The following RSRC1 variants were observed in gnomAD, a reference collection of about 807,000 sequenced individuals.
RSRC1 encodes serine/Arginine-related protein 53.
In RSRC1, 39 loss-of-function variants were observed where a neutral mutation model predicts 49.1. The observed-to-expected ratio is 0.79, with a 90% CI of 0.61 to 1.04. The LOEUF (loss-of-function observed/expected upper bound fraction) is 1.04. Among genes scored for constraint, RSRC1 ranks in the 50% least tolerant of loss-of-function variants. The pLI is 0.00. For missense variants in RSRC1, 388 were observed against 402.4 expected (o/e 0.96, Z 0.31); for synonymous variants, 143 against 130.8 (o/e 1.09, Z -0.63).
chr3:158,267,155 T>G (rs1423655131), intron 4 of RSRC1, among the ~76,000 whole-genome samples: 1 of 152,230 alleles, frequency 6.6e-6, no homozygotes, highest in Non-Finnish European at 1.5e-5. Context: ...CTCATCACTT[T>G]GTATTGGTTG....
At chr3:158,411,724 C>T (rs969975366) in intron 6 of RSRC1, among the ~76,000 whole-genome samples, 5 of 151,986 alleles carry the variant, frequency 3.3e-5, no homozygotes, top group Non-Finnish European at 5.9e-5. Context: ...AATGGTTTAC[C>T]AGCTTTTCAT....
chr3:158,518,154 T>A (rs1485563015), intron 7 of RSRC1, among the ~76,000 whole-genome samples: 12 of 127,774 alleles, frequency 9.4e-5, no homozygotes, highest in African/African-American at 1.7e-4. Context: ...ATATATTTTT[T>A]TTTTTTTTTT....
At chr3:158,251,787 C>T (rs961196668) in intron 4 of RSRC1, among the ~76,000 whole-genome samples, 1 of 152,128 alleles carries the variant, frequency 6.6e-6, no homozygotes, top group Non-Finnish European at 1.5e-5. Context: ...TTTTCTCATT[C>T]CAGTTTAGAT....
At chr3:158,475,506 G>A (rs1738327104) in intron 7 of RSRC1, among the ~76,000 whole-genome samples, 1 of 152,104 alleles carries the variant, frequency 6.6e-6, no homozygotes. Context: ...TTCCCCAAAA[G>A]TATATGCTCA....
intron 4 of RSRC1, among the ~76,000 whole-genome samples, chr3:158,207,052 G>A (rs1204621093): frequency 6.6e-6 from 1 of 152,120 alleles, no homozygotes; most frequent in Non-Finnish European, 1.5e-5. Flanking sequence ...TATAGATGAA[G>A]GTGCTTAGGC....
chr3:158,472,918 A>G (rs544842666), intron 7 of RSRC1, among the ~76,000 whole-genome samples: 2 of 152,142 alleles, frequency 1.3e-5, no homozygotes, highest in African/African-American at 4.8e-5. Context: ...GTCCTTGCCC[A>G]TGCATCACTG....
intron 3 of RSRC1, among the ~76,000 whole-genome samples, chr3:158,173,917 C>T (rs1719034123): frequency 6.6e-6 from 1 of 150,968 alleles, no homozygotes. Flanking sequence ...TCTATAAAGA[C>T]AAAATAGATT....
At chr3:158,461,095 TAC>T in intron 7 of RSRC1, 92 bp downstream of exon 7, 1 of 814,130 alleles carries the variant, frequency 1.2e-6, no homozygotes, top group South Asian at 2.2e-5. Context: ...CCTTAAGGGT[TAC>T]TTCATGCTGT....
At position 158,203,068 on chromosome 3, in the gene RSRC1, G is replaced by A. The variant is rs776249872; in HGVS notation, c.321-4G>A. 1 of 1,608,176 alleles carries A rather than the reference G, an allele frequency of 6.2e-7. No homozygotes were observed. Among genetic ancestry groups the A allele is most frequent in the Non-Finnish European group, 8.5e-7 (1 of 1,176,134 alleles). ...GTTTATTTAACAAAATCTGCTTACT[G>A]TAGGTCCAGGTCAAGACCTCGTCTC... On this transcript the variant is annotated splice_polypyrimidine_tract_variant and splice_region_variant and intron_variant, in intron 3 of 9. Transcript: ENST00000611884.
intron 5 of RSRC1, among the ~76,000 whole-genome samples, chr3:158,346,752 C>G (rs1381408286): frequency 6.6e-6 from 1 of 152,104 alleles, no homozygotes; most frequent in African/African-American, 2.4e-5. Context: ...TATGACTTAG[C>G]CATTTCAATT....
At position 158,280,568 on chromosome 3, in the gene RSRC1, G is replaced by T. The variant is rs79452861; in HGVS notation, c.495-17471G>T. On this transcript the variant is annotated intron_variant, in intron 4 of 9. Transcript: ENST00000611884. ...AATAATGTTTATGTGTGTGTGTGGT[G>T]GGGGGCAAATCATGATGGCTATGGT... Among the ~76,000 whole-genome samples, 650 of 151,362 alleles carry T rather than the reference G, an allele frequency of 4.3e-3. 13 individuals carry two copies. In the South Asian group the frequency reaches 0.048, roughly 11 times the overall value.
At chr3:158,168,438 C>T (rs1465308262) in intron 3 of RSRC1, among the ~76,000 whole-genome samples, 1 of 152,196 alleles carries the variant, frequency 6.6e-6, no homozygotes. Context: ...ACTGATGTCA[C>T]ATTGAAGCAT....
chr3:158,332,823 G>A (rs62289489), intron 5 of RSRC1, among the ~76,000 whole-genome samples: 2,126 of 151,610 alleles, frequency 0.014, 30 homozygotes, highest in Non-Finnish European at 0.018. Context: ...ACATAGTTTT[G>A]TAGTTTTTAA....
At chr3:158,311,885 T>C (rs971513485) in intron 5 of RSRC1, among the ~76,000 whole-genome samples, 5 of 151,938 alleles carry the variant, frequency 3.3e-5, no homozygotes, top group African/African-American at 1.2e-4. Flanking sequence ...AATAAAAATA[T>C]GAGAGTGGGG....
chr3:158,276,183 G>A lies in RSRC1; in HGVS notation c.495-21856G>A, dbSNP rs529218573. 9.6e-5 allele frequency: 82 copies of A among 851,346 alleles called. 1 individual carries two copies. In the East Asian group the frequency reaches 1.9e-3, roughly 20 times the overall value. 52.7% of individuals were successfully genotyped at this position (851,346 alleles called of 1,614,324 possible). A position where few individuals can be genotyped will look rare whatever the true frequency, so the allele number is the denominator to read the frequency against. ...ACCATGATGGACAGGCTTGCCATAT[G>A]TTGCACCCTTAGGAACTGGGCATTT... is the stretch of plus-strand genomic sequence containing the variant. On this transcript the variant is annotated intron_variant, in intron 4 of 9. Transcript: ENST00000611884.
chr3:158,242,614 G>C (rs1723658038), intron 4 of RSRC1, among the ~76,000 whole-genome samples: 2 of 152,088 alleles, frequency 1.3e-5, no homozygotes, highest in Admixed American at 1.3e-4. Flanking sequence ...AGGTCTTTCA[G>C]GAGTTGCCAC....
At chr3:158,465,529 A>G (rs1204217672) in intron 7 of RSRC1, among the ~76,000 whole-genome samples, 2 of 152,190 alleles carry the variant, frequency 1.3e-5, no homozygotes, top group Non-Finnish European at 2.9e-5. Context: ...GTACAAGGGC[A>G]TCATTTAGGA....
chr3:158,237,420 G>C (rs545595992), intron 4 of RSRC1, among the ~76,000 whole-genome samples: 1 of 152,334 alleles, frequency 6.6e-6, no homozygotes, highest in East Asian at 1.9e-4. Context: ...TTCTACAGTT[G>C]TTGTAGTTTA....
At chr3:158,515,957 T>G (rs1350168945) in intron 7 of RSRC1, among the ~76,000 whole-genome samples, 1 of 151,058 alleles carries the variant, frequency 6.6e-6, no homozygotes, top group Non-Finnish European at 1.5e-5. Context: ...CATCAGCTCC[T>G]TTAAGCACTT....
Sources: gnomAD v4.1 joint callset for allele counts (sites outside exome capture counted in the v4.1 genomes callset) on GRCh38, gnomAD v4.1.1 for gene constraint, MANE v1.5 for transcripts, NCBI Gene and HGNC (gene_info 2026-07-23, HGNC 2026-07-21) for gene names.